The following CADM1 variants were observed in gnomAD, a reference collection of about 807,000 sequenced individuals.
The protein encoded by CADM1 is cell adhesion molecule 1, also known as TSLC-1.
A neutral mutation model predicts 53.1 loss-of-function variants in CADM1; 15 were observed. The ratio of observed to expected loss-of-function variants is 0.28; its 90% CI spans 0.19 to 0.44. The LOEUF (loss-of-function observed/expected upper bound fraction) is 0.44. Ranked by LOEUF, CADM1 falls within the 20% of genes least tolerant of loss-of-function variation. The probability of loss-of-function intolerance (pLI) is 1.00; values close to 1 mark genes in which losing one functional copy is unlikely to be tolerated. For synonymous variants in CADM1, 281 were observed against 243.0 expected (o/e 1.16, Z -1.45); for missense variants, 434 against 611.3 (o/e 0.71, Z 3.06).
chr11:115,300,745 GC>G (rs2135134373), intron 1 of CADM1, among the ~76,000 whole-genome samples: 1 of 152,216 alleles, frequency 6.6e-6, no homozygotes, highest in African/African-American at 2.4e-5. Flanking sequence ...CACATGGAGG[GC>G]TGCTTCCTCA....
intron 1 of CADM1, among the ~76,000 whole-genome samples, chr11:115,279,406 T>C (rs1407449568): frequency 6.6e-6 from 1 of 152,192 alleles, no homozygotes; most frequent in Non-Finnish European, 1.5e-5. Flanking sequence ...GAAAGGGGAA[T>C]TATCCTGTAC....
At chr11:115,288,059 G>A (rs1285004940) in intron 1 of CADM1, among the ~76,000 whole-genome samples, 1 of 152,204 alleles carries the variant, frequency 6.6e-6, no homozygotes, top group Non-Finnish European at 1.5e-5. Context: ...CATTCTGTGT[G>A]AAGAAATTCC....
chr11:115,413,572 GA>G (rs35048997), intron 1 of CADM1, among the ~76,000 whole-genome samples: 50,305 of 150,094 alleles, frequency 0.34, 9,141 homozygotes, highest in Non-Finnish European at 0.42. Context: ...TACAAGACTT[GA>G]AACATGATCA....
intron 10 of CADM1, among the ~76,000 whole-genome samples, chr11:115,185,263 G>T (rs569649397): frequency 6.6e-6 from 1 of 152,174 alleles, no homozygotes; most frequent in South Asian, 2.1e-4. Context: ...TTACCAGTTC[G>T]TTAGGGGTAA....
intron 1 of CADM1, among the ~76,000 whole-genome samples, chr11:115,372,419 A>T (rs1946331512): frequency 1.3e-5 from 2 of 152,140 alleles, no homozygotes; most frequent in South Asian, 2.1e-4. Context: ...CAGGAATCAG[A>T]CTGAGCAGTT....
At chr11:115,294,972 G>A (rs568581198) in intron 1 of CADM1, among the ~76,000 whole-genome samples, 4 of 152,168 alleles carry the variant, frequency 2.6e-5, no homozygotes, top group Non-Finnish European at 5.9e-5. Context: ...CTGGGAGGTG[G>A]AGGTTGCAGT....
intron 1 of CADM1, among the ~76,000 whole-genome samples, chr11:115,258,425 A>G (rs1480651461): frequency 6.6e-6 from 1 of 152,174 alleles, no homozygotes; most frequent in East Asian, 1.9e-4. Context: ...GTCACAAACC[A>G]CAAGAAAAGC....
chr11:115,449,349 C>T (rs1948521298), intron 1 of CADM1, among the ~76,000 whole-genome samples: 1 of 152,218 alleles, frequency 6.6e-6, no homozygotes, highest in Non-Finnish European at 1.5e-5. Flanking sequence ...AGCACAGATG[C>T]TCTCTGCTCA....
At chr11:115,332,832 A>G (rs1039997963) in intron 1 of CADM1, among the ~76,000 whole-genome samples, 53 of 152,288 alleles carry the variant, frequency 3.5e-4, no homozygotes, top group African/African-American at 1.3e-3. Context: ...GTTAAAAAAT[A>G]TATTTAATCC....
At chr11:115,247,751 G>A (rs1192693169) in intron 1 of CADM1, among the ~76,000 whole-genome samples, 1 of 152,128 alleles carries the variant, frequency 6.6e-6, no homozygotes, top group Non-Finnish European at 1.5e-5. Flanking sequence ...ATTCCTTTGG[G>A]GAGAGGCAGC....
At chr11:115,377,298 T>A (rs1311916850) in intron 1 of CADM1, 4 of 152,280 alleles carry the variant, frequency 2.6e-5, no homozygotes, top group South Asian at 2.1e-4. Flanking sequence ...TTGCAAATAA[T>A]CTGCTTACTG....
chr11:115,330,119 G>A (rs1945093695), intron 1 of CADM1, among the ~76,000 whole-genome samples: 1 of 151,560 alleles, frequency 6.6e-6, no homozygotes, highest in Non-Finnish European at 1.5e-5. Context: ...CTTGAGAGTG[G>A]GGCCTTTGCC....
intron 1 of CADM1, among the ~76,000 whole-genome samples, chr11:115,404,273 C>T (rs1947241095): frequency 7.2e-6 from 1 of 138,238 alleles, no homozygotes; most frequent in South Asian, 2.4e-4. Context: ...TTGCAGTGAG[C>T]CAAGATCATG....
intron 1 of CADM1, among the ~76,000 whole-genome samples, chr11:115,422,217 G>A (rs1299380784): frequency 6.6e-6 from 1 of 152,110 alleles, no homozygotes; most frequent in African/African-American, 2.4e-5. Context: ...ACCAAATGCT[G>A]GAAAATGCCG....
intron 1 of CADM1, among the ~76,000 whole-genome samples, chr11:115,299,097 C>CA (rs59868176): frequency 1.3e-5 from 2 of 151,980 alleles, no homozygotes; most frequent in Non-Finnish European, 2.9e-5. Flanking sequence ...TAGTTCTTTT[C>CA]AAAAAAATAT....
intron 1 of CADM1, among the ~76,000 whole-genome samples, chr11:115,274,693 T>C (rs1048511737): frequency 6.6e-6 from 1 of 152,242 alleles, no homozygotes; most frequent in African/African-American, 2.4e-5. Context: ...ATTTTGATTT[T>C]ATATAGTCCT....
intron 8 of CADM1, among the ~76,000 whole-genome samples, chr11:115,205,001 T>C (rs1054816378): frequency 9.9e-5 from 15 of 152,152 alleles, no homozygotes; most frequent in Non-Finnish European, 2.2e-4. Flanking sequence ...CATTTAGAAA[T>C]GACCTACTTC....
rs1054280215 is a variant in CADM1, at chr11:115,173,274, G to C, written c.*3200C>G. On this transcript the variant is annotated 3_prime_UTR_variant, in exon 12 of 12. Transcript: ENST00000331581. Reference sequence around the variant, plus strand: ...GTGAGGGTGGGGGGGCGGTGAGAGAGGGGATGAGTGCGGAAGACACATCTA... The same window carrying C: ...GTGAGGGTGGGGGGGCGGTGAGAGACGGGATGAGTGCGGAAGACACATCTA... The C allele has an allele frequency of 1.3e-5, 2 of 152,384 alleles. No homozygotes were observed. The highest frequency in any genetic ancestry group is 1.9e-4 in the East Asian group (1 of 5,200). 9.4% of individuals were successfully genotyped at this position (152,384 alleles called of 1,614,324 possible). A position where few individuals can be genotyped will look rare whatever the true frequency, so the allele number is the denominator to read the frequency against.
intron 1 of CADM1, among the ~76,000 whole-genome samples, chr11:115,404,561 C>T (rs1455115955): frequency 6.8e-6 from 1 of 148,078 alleles, no homozygotes; most frequent in African/African-American, 2.5e-5. Context: ...ATTGAGTTTG[C>T]CTGCATTAAA....
Sources: allele counts gnomAD v4.1 joint callset (sites outside exome capture counted in the v4.1 genomes callset), GRCh38; gene constraint gnomAD v4.1.1; transcripts MANE v1.5; gene names NCBI Gene and HGNC (gene_info 2026-07-23, HGNC 2026-07-21).